AFF1: variants seen among roughly 807,000 people sequenced by gnomAD.
AFF1 encodes the protein ALF transcription elongation factor 1, also known as AF4/FMR2 family member 1.
In AFF1, 48 loss-of-function variants were observed where a neutral mutation model predicts 121.7. The ratio of observed to expected loss-of-function variants is 0.39; its 90% confidence interval spans 0.31 to 0.50. The LOEUF (loss-of-function observed/expected upper bound fraction) is 0.50, where lower values mean the gene tolerates loss of function less well. Ranked by LOEUF, AFF1 falls within the 20% of genes least tolerant of loss-of-function variation. AFF1 has a pLI of 0.76. For synonymous variants in AFF1, 613 were observed against 563.0 expected, an observed-to-expected ratio of 1.09 and a Z score of -1.26; for missense variants, 1,523 against 1,511.7, an observed-to-expected ratio of 1.01 and a Z score of -0.12.
At chr4:87,096,647 C>T (rs1724898669) in intron 8 of AFF1, among the ~76,000 whole-genome samples, 2 of 152,034 alleles carry the variant, frequency 1.3e-5, no homozygotes, top group African/African-American at 4.8e-5. Context: ...CTTCTGGGCT[C>T]AAATAATTCT....
At chr4:87,117,653 A>C (rs1239863471) in intron 12 of AFF1, among the ~76,000 whole-genome samples, 1 of 152,250 alleles carries the variant, frequency 6.6e-6, no homozygotes, top group East Asian at 1.9e-4. Flanking sequence ...CTAGGCAAAC[A>C]GAATTCCTGG....
rs1730762799 is a variant in AFF1, at chr4:87,046,993, T to C, written c.458T>C (p.Leu153Pro). Reference protein sequence around the residue: ...AQPRTEPMPSLHAKSCGPPDS... With the variant: ...AQPRTEPMPSPHAKSCGPPDS... Reference sequence around the variant, plus strand: ...CCAAGAACTGAACCAATGCCAAGTCTCCATGCCAAAAGCTGCGGCCCACCG... The same window carrying C: ...CCAAGAACTGAACCAATGCCAAGTCCCCATGCCAAAAGCTGCGGCCCACCG... The change falls in exon 4 of 21, where the codon CTC becomes CCC. Residue 153 changes from leucine (L) to proline (P), a missense_variant. Around this residue, in one of 5 missense-constraint regions of AFF1, gnomAD observed 369 missense variants for 367.2 expected, o/e 1.00. Transcript: ENST00000395146. The C allele has an allele frequency of 6.2e-7, 1 of 1,613,976 alleles. No homozygotes were observed. The highest frequency in any genetic ancestry group is 1.1e-5 in the South Asian group (1 of 91,072).
intron 2 of AFF1, among the ~76,000 whole-genome samples, chr4:87,038,905 T>C (rs1253832736): frequency 1.3e-5 from 2 of 152,154 alleles, no homozygotes; most frequent in African/African-American, 4.8e-5. Context: ...GTTGGTGACA[T>C]GTATCAGAGG....
chr4:87,049,267 TTAGTC>T lies in AFF1; in HGVS notation c.1059+1678_1059+1682del, dbSNP rs564544159. Among the ~76,000 whole-genome samples the T allele has an allele frequency of 1.3e-4, 20 of 152,252 alleles. No homozygotes were observed. In the South Asian group the frequency reaches 4.2e-3, roughly 32 times the overall value. ...AAATCGGTCCTTGCTGCAGGACAGA[TTAGTC>T]TAGTATAGAGATCAGCCTACACTTA... is the stretch of plus-strand genomic sequence containing the variant. On this transcript the variant is annotated intron_variant, in intron 4 of 20. Transcript: ENST00000395146.
intron 4 of AFF1, among the ~76,000 whole-genome samples, chr4:87,056,087 AT>A (rs1045601918): frequency 6.8e-5 from 10 of 146,528 alleles, no homozygotes; most frequent in South Asian, 2.1e-4. Context: ...TTCTCTCTGC[AT>A]TTTTTTTTTC....
intron 2 of AFF1, chr4:87,007,347 G>A: frequency 6.2e-7 from 1 of 1,610,696 alleles, no homozygotes; most frequent in Non-Finnish European, 8.5e-7. Context: ...GGCGCTGGCA[G>A]CAGGGCCCGC....
At chr4:87,115,391 T>C (rs1727002376) in intron 12 of AFF1, 92 bp downstream of exon 12, 1 of 1,256,946 alleles carries the variant, frequency 8.0e-7, no homozygotes, top group East Asian at 2.6e-5. Context: ...TTAGGCCCAG[T>C]TGAGTTGTCT....
chr4:87,122,881 TAAAAAAAAAAA>T (rs3036188), intron 12 of AFF1, among the ~76,000 whole-genome samples: 4 of 96,646 alleles, frequency 4.1e-5, no homozygotes, highest in Non-Finnish European at 5.8e-5. Flanking sequence ...GGAAAATTAG[TAAAAAAAAAAA>T]AAAAAAAAAA....
chr4:87,038,393 G>C (rs766574700), intron 2 of AFF1, among the ~76,000 whole-genome samples: 2 of 152,158 alleles, frequency 1.3e-5, no homozygotes, highest in Non-Finnish European at 2.9e-5. Flanking sequence ...TGTTTAAATT[G>C]TATTTGGAAG....
chr4:87,077,483 A>G (rs1357146200), intron 4 of AFF1, among the ~76,000 whole-genome samples: 1 of 152,074 alleles, frequency 6.6e-6, no homozygotes, highest in African/African-American at 2.4e-5. Flanking sequence ...TTTCAATCTA[A>G]TATTTGTGTT....
chr4:86,939,567 AAATT>A (rs1486401656), intron 1 of AFF1, among the ~76,000 whole-genome samples: 1 of 152,338 alleles, frequency 6.6e-6, no homozygotes, highest in Non-Finnish European at 1.5e-5. Context: ...ACCTTTCTAA[AAATT>A]AAATAGAGGG....
chr4:87,139,820 T>C lies in AFF1; in HGVS notation c.*4119T>C, dbSNP rs950573375. 1.3e-4 allele frequency: 30 copies of C among 225,866 alleles called. No individual in the cohort carries two copies. The highest frequency in any genetic ancestry group is 2.9e-4 in the Admixed American group (5 of 17,478). 14.0% of individuals were successfully genotyped at this position (225,866 alleles called of 1,614,324 possible). The stretch of plus-strand genomic sequence containing the variant: ...CACCATGTGAACCTCAAATATGCAA[T>C]CCAGTTGTGTTGGTTTCTCGGTGAC... On this transcript the variant is annotated 3_prime_UTR_variant, in exon 21 of 21. Transcript: ENST00000395146.
At chr4:87,131,033 A>G (rs758374829) in intron 16 of AFF1, 50 bp from the exon 17 acceptor site, 1 of 1,599,840 alleles carries the variant, frequency 6.3e-7, no homozygotes, top group Non-Finnish European at 8.5e-7. Flanking sequence ...GTGAGAAACT[A>G]AATCAAGGTT....
intron 2 of AFF1, among the ~76,000 whole-genome samples, chr4:86,980,321 A>G (rs552339047): frequency 6.6e-6 from 1 of 152,202 alleles, no homozygotes; most frequent in Non-Finnish European, 1.5e-5. Flanking sequence ...CTAAATATCA[A>G]TAAAGAGTTG....
chr4:87,057,373 A>C (rs1421199961), intron 4 of AFF1, among the ~76,000 whole-genome samples: 1 of 152,234 alleles, frequency 6.6e-6, no homozygotes, highest in Non-Finnish European at 1.5e-5. Context: ...TTTTGGCTTC[A>C]TGGCAGGTGG....
At chr4:86,950,232 G>T in intron 2 of AFF1, 1 of 950,066 alleles carries the variant, frequency 1.1e-6, no homozygotes, top group Non-Finnish European at 1.7e-6. Context: ...CGGCTGGAGT[G>T]CAGTGCCATG....
intron 2 of AFF1, among the ~76,000 whole-genome samples, chr4:87,012,317 T>C (rs1726861043): frequency 6.6e-6 from 1 of 151,876 alleles, no homozygotes; most frequent in South Asian, 2.1e-4. Flanking sequence ...ATCAGGTTTC[T>C]TTTCCAAGAT....
chr4:86,985,203 ATATATATATAT>A (rs1560518360), intron 2 of AFF1, among the ~76,000 whole-genome samples: 18 of 134,358 alleles, frequency 1.3e-4, no homozygotes, highest in African/African-American at 3.2e-4. Flanking sequence ...ATATATATAT[ATATATATATAT>A]AAAATTATAT....
chr4:87,122,428 G>A (rs189546836), intron 12 of AFF1, among the ~76,000 whole-genome samples: 2,231 of 152,302 alleles, frequency 0.015, 53 homozygotes, highest in African/African-American at 0.051. Flanking sequence ...TTTGTATGCT[G>A]CGCAGAGCCC....
Sources: gnomAD v4.1 joint callset for allele counts (sites outside exome capture counted in the v4.1 genomes callset) on GRCh38, gnomAD v4.1.1 for gene constraint, gnomAD v4.1.1 regional missense constraint, MANE v1.5 for transcripts, NCBI Gene and HGNC (gene_info 2026-07-23, HGNC 2026-07-21) for gene names.